The following RGS8 variants were observed in gnomAD, a reference collection of about 807,000 sequenced individuals.
RGS8 encodes the protein regulator of G-protein signaling 8.
In RGS8, 8 loss-of-function variants were observed where a neutral mutation model predicts 21.7. That is an observed-to-expected ratio of 0.37 (90% CI 0.22 to 0.66). The LOEUF is 0.66. Among genes scored for constraint, RGS8 ranks in the 30% least tolerant of loss-of-function variants. The pLI is 0.59. For synonymous variants in RGS8, 80 were observed against 83.6 expected, an observed-to-expected ratio of 0.96 and a Z score of 0.24; for missense variants, 157 against 217.9, an observed-to-expected ratio of 0.72 and a Z score of 1.76.
chr1:182,664,323 A>G (rs369866240), intron 5 of RGS8, among the ~76,000 whole-genome samples: 5 of 152,220 alleles, frequency 3.3e-5, no homozygotes, highest in African/African-American at 1.2e-4. Context: ...AATACCTTTA[A>G]GTAGAGAACC....
upstream of RGS8, among the ~76,000 whole-genome samples, chr1:182,674,466 CT>C (rs199833844): frequency 3.2e-4 from 48 of 151,326 alleles, no homozygotes; most frequent in African/African-American, 1.1e-3. Context: ...CTAGTCCAAG[CT>C]TTTTTTTTCT....
chr1:182,691,254 T>G, the RGS8 span, among the ~76,000 whole-genome samples: 1 of 152,248 alleles, frequency 6.6e-6, no homozygotes, highest in African/African-American at 2.4e-5. Flanking sequence ...AAAAGCTCAC[T>G]GATACATCAT....
At chr1:182,651,731 C>T (rs1364301321) in intron 5 of RGS8, among the ~76,000 whole-genome samples, 1 of 152,204 alleles carries the variant, frequency 6.6e-6, no homozygotes, top group East Asian at 1.9e-4. Context: ...GATTAGACAG[C>T]CAGCCTGCCT....
the RGS8 span, among the ~76,000 whole-genome samples, chr1:182,720,584 A>G: frequency 6.6e-6 from 1 of 152,136 alleles, no homozygotes; most frequent in Non-Finnish European, 1.5e-5. Flanking sequence ...CTGCCTTCTC[A>G]GCATCGTCCC....
the RGS8 span, among the ~76,000 whole-genome samples, chr1:182,699,211 A>G: frequency 6.6e-6 from 1 of 152,216 alleles, no homozygotes; most frequent in Non-Finnish European, 1.5e-5. Context: ...ACATCACCAC[A>G]GAGGCAGGCC....
the RGS8 span, among the ~76,000 whole-genome samples, chr1:182,741,665 G>A: frequency 2.4e-4 from 29 of 119,230 alleles, no homozygotes; most frequent in Admixed American, 1.1e-3. Flanking sequence ...GCGGCTGGCC[G>A]GGCAGAGGGG....
chr1:182,698,621 C>G, the RGS8 span, among the ~76,000 whole-genome samples: 2 of 152,286 alleles, frequency 1.3e-5, no homozygotes, highest in African/African-American at 4.8e-5. Flanking sequence ...TATTTTCCCC[C>G]TAAGATTAAA....
At chr1:182,739,881 G>C in the RGS8 span, among the ~76,000 whole-genome samples, 1 of 152,152 alleles carries the variant, frequency 6.6e-6, no homozygotes, top group Non-Finnish European at 1.5e-5. Flanking sequence ...GGAAGGGAAG[G>C]GGGGCAAACG....
At chr1:182,736,703 C>T in the RGS8 span, among the ~76,000 whole-genome samples, 1 of 152,178 alleles carries the variant, frequency 6.6e-6, no homozygotes, top group African/African-American at 2.4e-5. Context: ...ATGCAGTGTG[C>T]GCTGGACCTA....
chr1:182,662,566 G>T (rs1663644128), intron 5 of RGS8, among the ~76,000 whole-genome samples: 1 of 152,198 alleles, frequency 6.6e-6, no homozygotes, highest in African/African-American at 2.4e-5. Flanking sequence ...TTGTCCAAAA[G>T]CATGTTCCCC....
At chr1:182,700,204 G>T in the RGS8 span, among the ~76,000 whole-genome samples, 1 of 152,190 alleles carries the variant, frequency 6.6e-6, no homozygotes, top group Admixed American at 6.5e-5. Flanking sequence ...GGTCCTGCAC[G>T]GTTATTGGCT....
the RGS8 span, among the ~76,000 whole-genome samples, chr1:182,699,995 T>G: frequency 6.6e-6 from 1 of 152,286 alleles, no homozygotes; most frequent in South Asian, 2.1e-4. Context: ...TGCAGGAGAC[T>G]GGAGGGGCTC....
chr1:182,746,710 G>A, the RGS8 span, among the ~76,000 whole-genome samples: 2 of 151,508 alleles, frequency 1.3e-5, no homozygotes, highest in South Asian at 4.1e-4. Context: ...GAAAGAAAGA[G>A]AGAGAGAGAG....
At chr1:182,650,567 A>G (rs141528549) in intron 5 of RGS8, among the ~76,000 whole-genome samples, 2 of 152,334 alleles carry the variant, frequency 1.3e-5, no homozygotes, top group Admixed American at 6.5e-5. Context: ...AAGTCATTTT[A>G]AAAAGTAGGA....
the RGS8 span, among the ~76,000 whole-genome samples, chr1:182,742,077 G>T: frequency 6.7e-6 from 1 of 149,296 alleles, no homozygotes; most frequent in East Asian, 2.0e-4. Context: ...CGGCAGGGCA[G>T]AGGTGCTCCC....
chr1:182,665,168 T>G (rs565008197), intron 5 of RGS8, among the ~76,000 whole-genome samples: 2 of 152,348 alleles, frequency 1.3e-5, no homozygotes, highest in South Asian at 4.1e-4. Flanking sequence ...AATGTCTATT[T>G]GAAGCCTTCT....
chr1:182,729,060 G>A, the RGS8 span, among the ~76,000 whole-genome samples: 12 of 152,188 alleles, frequency 7.9e-5, no homozygotes, highest in African/African-American at 2.9e-4. Flanking sequence ...GGGTAAGGCA[G>A]GACAACCTGC....
the RGS8 span, among the ~76,000 whole-genome samples, chr1:182,698,073 T>C: frequency 6.6e-6 from 1 of 152,166 alleles, no homozygotes; most frequent in African/African-American, 2.4e-5. Context: ...TCTAGAATGA[T>C]GATTATTGAA....
the RGS8 span, among the ~76,000 whole-genome samples, chr1:182,745,251 G>A: frequency 6.6e-6 from 1 of 152,170 alleles, no homozygotes; most frequent in South Asian, 2.1e-4. Context: ...TCGAACATAA[G>A]CTTCCCTTTG....
Sources: gnomAD v4.1 joint callset for allele counts (sites outside exome capture counted in the v4.1 genomes callset) on GRCh38, gnomAD v4.1.1 for gene constraint, MANE v1.5 for transcripts, NCBI Gene and HGNC (gene_info 2026-07-23, HGNC 2026-07-21) for gene names.